Variants in PTPRN2 observed in about 807,000 individuals in gnomAD.
PTPRN2 encodes the protein receptor-type tyrosine-protein phosphatase N2.
Under a neutral mutation model 118.8 loss-of-function variants are expected in PTPRN2, and 74 were observed. That is an observed-to-expected ratio of 0.62 (90% CI 0.52 to 0.76). The LOEUF (loss-of-function observed/expected upper bound fraction) is 0.76. Ranked by LOEUF, PTPRN2 falls within the 30% of genes least tolerant of loss-of-function variation. PTPRN2 has a pLI of 0.00. For missense variants in PTPRN2, 1,481 were observed against 1,394.4 expected (o/e 1.06, Z -0.99); for synonymous variants, 641 against 608.0 (o/e 1.05, Z -0.80).
intron 11 of PTPRN2, among the ~76,000 whole-genome samples, chr7:158,066,280 C>T (rs1461500702): frequency 1.3e-5 from 2 of 152,218 alleles, no homozygotes; most frequent in African/African-American, 2.4e-5. Flanking sequence ...GAGTCCCCTC[C>T]ATTCAAGGCC....
chr7:157,562,956 T>G (rs1332497397), intron 21 of PTPRN2, among the ~76,000 whole-genome samples: 3 of 107,772 alleles, frequency 2.8e-5, no homozygotes, highest in Admixed American at 1.1e-4. Context: ...ACACAGCAGA[T>G]CAGGACCACG....
At chr7:157,841,862 G>A (rs1034507283) in intron 12 of PTPRN2, among the ~76,000 whole-genome samples, 8 of 151,914 alleles carry the variant, frequency 5.3e-5, no homozygotes, top group African/African-American at 1.2e-4. Context: ...TCCTTCCTGC[G>A]GGCCTGCAGC....
At chr7:158,084,580 T>C (rs1813106610) in intron 10 of PTPRN2, among the ~76,000 whole-genome samples, 1 of 151,976 alleles carries the variant, frequency 6.6e-6, no homozygotes, top group African/African-American at 2.4e-5. Flanking sequence ...TAGGAGCAAG[T>C]ACTGCACCTA....
intron 3 of PTPRN2, among the ~76,000 whole-genome samples, chr7:158,218,153 GGTT>G (rs896081204): frequency 1.3e-5 from 2 of 152,110 alleles, no homozygotes; most frequent in Admixed American, 1.3e-4. Context: ...GATTCTCCAA[GGTT>G]GTTGTGAAAG....
chr7:157,865,966 TG>T (rs1810636869), intron 12 of PTPRN2: 1 of 152,390 alleles, frequency 6.6e-6, no homozygotes, highest in South Asian at 2.1e-4. Context: ...TTGCGGCAAC[TG>T]ACAGATGCTC....
At chr7:158,147,698 A>G (rs1284006222) in intron 6 of PTPRN2, among the ~76,000 whole-genome samples, 442 of 108,656 alleles carry the variant, frequency 4.1e-3, no homozygotes, top group Admixed American at 7.6e-3. Context: ...CTCACGCCAC[A>G]CGTCTTTCCC....
Position 157,861,344 on chromosome 7 carries a change from C to A in PTPRN2, c.1788+37329G>T, listed in dbSNP as rs750681801. On this transcript the variant is annotated intron_variant, in intron 12 of 22. Coordinates refer to ENST00000389418, the MANE Select transcript of PTPRN2 (RefSeq NM_002847.5). This position sits in a 1 kb window ranked among gnomAD's most constrained non-coding sequence, Gnocchi z 5.8. ...ACCGGAAGCACCTCCGGCTGGAGCT[C>A]GGCCAAGGAGCCCGGGTCCCTTCAG... is the stretch of plus-strand genomic sequence containing the variant. Among the ~76,000 whole-genome samples the A allele has an allele frequency of 2.0e-5, 3 of 152,244 alleles. No homozygotes were observed. Among genetic ancestry groups the A allele is most frequent in the African/African-American group, 7.2e-5 (3 of 41,476 alleles).
intron 12 of PTPRN2, among the ~76,000 whole-genome samples, chr7:157,766,206 T>TCCCC (rs1802473425): frequency 6.9e-6 from 1 of 145,102 alleles, no homozygotes; most frequent in African/African-American, 2.6e-5. Flanking sequence ...CATCCATCCA[T>TCCCC]CCATCCACCC....
Position 158,052,326 on chromosome 7 carries a change from A to C in PTPRN2, c.1723+28972T>G, listed in dbSNP as rs147602929. On this transcript the variant is annotated intron_variant, in intron 11 of 22. Transcript: ENST00000389418. Reference sequence around the variant, plus strand: ...AAGGGAGTGAAGAAACCCAGGTATGAAAATTGGATTGCGAAAGTTAAAGAC... The same window carrying C: ...AAGGGAGTGAAGAAACCCAGGTATGCAAATTGGATTGCGAAAGTTAAAGAC... 5.0e-3 allele frequency among the ~76,000 whole-genome samples: 758 copies of C among 152,348 alleles called. 10 individuals carry two copies. Among genetic ancestry groups the C allele is most frequent in the Admixed American group, 0.043 (659 of 15,302 alleles).
chr7:158,353,621 T>C (rs1209401547), intron 2 of PTPRN2, among the ~76,000 whole-genome samples: 2 of 152,058 alleles, frequency 1.3e-5, no homozygotes, highest in African/African-American at 4.8e-5. Context: ...ACCAGCAACA[T>C]CTGAGAACCC....
chr7:157,894,417 G>C (rs1043094925), intron 12 of PTPRN2, among the ~76,000 whole-genome samples: 1 of 129,142 alleles, frequency 7.7e-6, no homozygotes, highest in Admixed American at 7.8e-5. Flanking sequence ...GAGAGCTGGG[G>C]TGTGAGTTCC....
At chr7:158,554,665 T>C (rs1826859042) in intron 1 of PTPRN2, among the ~76,000 whole-genome samples, 1 of 152,188 alleles carries the variant, frequency 6.6e-6, no homozygotes, top group African/African-American at 2.4e-5. Flanking sequence ...TAGTCGCGGC[T>C]CTGGCCCCCC....
At chr7:157,937,533 T>C (rs573392780) in intron 11 of PTPRN2, among the ~76,000 whole-genome samples, 1 of 152,342 alleles carries the variant, frequency 6.6e-6, no homozygotes, top group Non-Finnish European at 1.5e-5. Flanking sequence ...GTGTGCGGTG[T>C]GGCTTCATGT....
At chr7:158,306,872 T>TGG (rs1563112142) in intron 3 of PTPRN2, among the ~76,000 whole-genome samples, 1 of 124,178 alleles carries the variant, frequency 8.1e-6, no homozygotes, top group Non-Finnish European at 1.8e-5. Context: ...TTTTTTTTTT[T>TGG]TTTTTTTTTT....
rs1034866336 is a variant in PTPRN2, at chr7:157,615,138, G to C, written c.2344+6224C>G. 6.6e-6 allele frequency among the ~76,000 whole-genome samples: 1 copy of C among 152,260 alleles called. No homozygotes were observed. The highest frequency in any genetic ancestry group is 2.4e-5 in the African/African-American group (1 of 41,466). On this transcript the variant is annotated intron_variant, in intron 15 of 22. Transcript: ENST00000389418. This position sits in a 1 kb window ranked among gnomAD's most constrained non-coding sequence, Gnocchi z 4.3. ...AGTGCTCGCAGGTCACGCTAATACG[G>C]CCAACACTGGGCGGCTGGCCAGCGT...
rs758632347 is a variant in PTPRN2, at chr7:157,596,951, C to G, written c.2419-1636G>C. Among the ~76,000 whole-genome samples the G allele has an allele frequency of 1.3e-5, 2 of 152,180 alleles. No individual in the cohort carries two copies. Among genetic ancestry groups the G allele is most frequent in the Non-Finnish European group, 2.9e-5 (2 of 68,040 alleles). On this transcript the variant is annotated intron_variant, in intron 16 of 22. Transcript: ENST00000389418. The surrounding 1 kb of genome is among the most constrained non-coding windows in gnomAD (Gnocchi z 4.2). ...CGCACGAGGACATCAGTGGTGGCCC[C>G]GGTGCTACCTTAAGTGCTGCTGCAT...
rs546366393 is a variant in PTPRN2 at position 157,614,817 on chromosome 7, G to A, written c.2344+6545C>T. Among the ~76,000 whole-genome samples the A allele has an allele frequency of 7.9e-5, 12 of 152,326 alleles. No individual in the cohort carries two copies. The South Asian group carries it at 1.9e-3, about 24-fold the overall frequency. On this transcript the variant is annotated intron_variant, in intron 15 of 22. Coordinates refer to ENST00000389418, the MANE Select transcript of PTPRN2 (RefSeq NM_002847.5). ...ACAGCACCTGCAAGCCCCAGGGAGGGCCTCGGACACGGCCAGCCCTGCCAC... is the reference window on the plus strand; with the variant it reads ...ACAGCACCTGCAAGCCCCAGGGAGGACCTCGGACACGGCCAGCCCTGCCAC...
In PTPRN2 at chr7:158,090,737, G is replaced by A. The variant is rs184906818; in HGVS notation, c.1644-9360C>T. 1.7e-3 allele frequency among the ~76,000 whole-genome samples: 263 copies of A among 152,292 alleles called. 1 individual carries two copies. The highest frequency in any genetic ancestry group is 5.1e-3 in the African/African-American group (211 of 41,558). ...AGACTGTTGAGTGTAAGAGTTCTGC[G>A]TAAAAGGCCTTTTCTTAACTGAGGA... On this transcript the variant is annotated intron_variant, in intron 10 of 22. Coordinates refer to ENST00000389418, the MANE Select transcript of PTPRN2 (RefSeq NM_002847.5).
At chr7:158,330,965 A>T (rs867949122) in intron 2 of PTPRN2, among the ~76,000 whole-genome samples, 95 of 45,360 alleles carry the variant, frequency 2.1e-3, no homozygotes, top group East Asian at 5.2e-3. Context: ...CACGCAGACG[A>T]CACTCACACC....
Sources: allele counts gnomAD v4.1 joint callset (sites outside exome capture counted in the v4.1 genomes callset), GRCh38; gene constraint gnomAD v4.1.1; non-coding constraint Gnocchi (gnomAD v3.1); transcripts MANE v1.5; gene names NCBI Gene and HGNC (gene_info 2026-07-23, HGNC 2026-07-21).